The following ADAM32 variants were observed in gnomAD, a reference collection of about 807,000 sequenced individuals.
The protein encoded by ADAM32 is ADAM metallopeptidase domain 32, also known as disintegrin and metalloproteinase domain-containing protein 32.
ADAM32 carries 89 observed loss-of-function variants against 114.9 expected under a neutral mutation model. The ratio of observed to expected loss-of-function variants is 0.77; its 90% CI spans 0.65 to 0.92. The LOEUF is 0.92. ADAM32 is among the 40% of genes least tolerant of loss of function. The pLI, the probability that ADAM32 is intolerant of heterozygous loss-of-function variation, is 0.00. For missense variants in ADAM32, 870 were observed against 932.8 expected, an observed-to-expected ratio of 0.93 and a Z score of 0.88; for synonymous variants, 285 against 307.5, an observed-to-expected ratio of 0.93 and a Z score of 0.77.
intron 11 of ADAM32, among the ~76,000 whole-genome samples, chr8:39,205,258 G>A (rs1399476571): frequency 6.6e-6 from 1 of 152,214 alleles, no homozygotes; most frequent in Non-Finnish European, 1.5e-5. Context: ...GCCTCCTTGA[G>A]CTGCGGTGGG....
At chr8:39,185,337 G>T (rs1806157428) in intron 10 of ADAM32, among the ~76,000 whole-genome samples, 1 of 43,672 alleles carries the variant, frequency 2.3e-5, no homozygotes, top group Non-Finnish European at 4.4e-5. Context: ...GTCATCTCCA[G>T]TCTACAAAAA....
At chr8:39,121,719 C>T (rs2129444463) in intron 2 of ADAM32, among the ~76,000 whole-genome samples, 1 of 152,248 alleles carries the variant, frequency 6.6e-6, no homozygotes, top group Non-Finnish European at 1.5e-5. Context: ...AGTGGGGCCA[C>T]CTCCTTGGTT....
chr8:39,139,954 C>T (rs982881269), intron 3 of ADAM32, among the ~76,000 whole-genome samples: 15 of 152,132 alleles, frequency 9.9e-5, no homozygotes, highest in Non-Finnish European at 2.1e-4. Context: ...TGGGAGTTCA[C>T]TCATGATTTG....
At chr8:39,135,001 C>G (rs1267485409) in intron 2 of ADAM32, among the ~76,000 whole-genome samples, 1 of 152,044 alleles carries the variant, frequency 6.6e-6, no homozygotes, top group African/African-American at 2.4e-5. Flanking sequence ...TCTAAAAATA[C>G]AAGATTAGCC....
At chr8:39,162,654 G>A (rs964029873) in intron 7 of ADAM32, among the ~76,000 whole-genome samples, 26 of 152,056 alleles carry the variant, frequency 1.7e-4, no homozygotes, top group African/African-American at 6.0e-4. Context: ...GTCATATAAT[G>A]CTGATTAAAC....
chr8:39,203,370 C>A (rs1357147843), intron 11 of ADAM32, among the ~76,000 whole-genome samples: 6 of 152,190 alleles, frequency 3.9e-5, no homozygotes. Flanking sequence ...TGAATTGATC[C>A]CTTTACCATT....
At chr8:39,238,808 C>T (rs965744684) in intron 16 of ADAM32, among the ~76,000 whole-genome samples, 1 of 151,724 alleles carries the variant, frequency 6.6e-6, no homozygotes, top group Admixed American at 6.6e-5. Flanking sequence ...TAGAATTGAA[C>T]AAGTAGAAGA....
At chr8:39,275,959 TTAAC>T in intron 22 of ADAM32, 93 bp downstream of exon 22, 1 of 1,218,722 alleles carries the variant, frequency 8.2e-7, no homozygotes, top group Non-Finnish European at 1.1e-6. Flanking sequence ...TTGCTAACTA[TTAAC>T]TGAGTAGCCA....
intron 17 of ADAM32, 121 bp downstream of exon 17, chr8:39,246,287 T>C: frequency 6.6e-6 from 5 of 758,434 alleles, no homozygotes; most frequent in Non-Finnish European, 1.1e-5. Flanking sequence ...CTAGCTTCAA[T>C]TGAGAGCTGA....
intron 10 of ADAM32, among the ~76,000 whole-genome samples, chr8:39,183,256 T>C (rs1436419544): frequency 6.6e-6 from 1 of 152,174 alleles, no homozygotes; most frequent in Non-Finnish European, 1.5e-5. Flanking sequence ...CCCACCACTA[T>C]TTTTCATCTC....
At chr8:39,155,237 CAA>C (rs1196045099) in intron 6 of ADAM32, among the ~76,000 whole-genome samples, 1 of 152,136 alleles carries the variant, frequency 6.6e-6, no homozygotes, top group Non-Finnish European at 1.5e-5. Flanking sequence ...GGCAATCAGA[CAA>C]GAGAAAGAAA....
intron 23 of ADAM32, among the ~76,000 whole-genome samples, chr8:39,281,653 C>T (rs1813425309): frequency 6.6e-6 from 1 of 152,182 alleles, no homozygotes; most frequent in Admixed American, 6.5e-5. Context: ...CACAGATCCT[C>T]AATGTCCCAC....
chr8:39,270,640 T>C (rs1812651523), intron 19 of ADAM32, among the ~76,000 whole-genome samples: 1 of 152,228 alleles, frequency 6.6e-6, no homozygotes, highest in Admixed American at 6.5e-5. Flanking sequence ...TTTGGGTGTT[T>C]TTGATACTCT....
intron 2 of ADAM32, chr8:39,129,756 T>G: frequency 4.3e-6 from 1 of 234,870 alleles, no homozygotes; most frequent in South Asian, 5.0e-5. Context: ...ATTATTTCCT[T>G]AAACATTTGA....
intron 22 of ADAM32, among the ~76,000 whole-genome samples, chr8:39,277,009 C>T (rs777990860): frequency 6.6e-6 from 1 of 152,038 alleles, no homozygotes; most frequent in African/African-American, 2.4e-5. Flanking sequence ...CACACAGAGG[C>T]AACCAAACCA....
intron 17 of ADAM32, among the ~76,000 whole-genome samples, chr8:39,250,315 C>A (rs1026887988): frequency 6.6e-6 from 1 of 151,488 alleles, no homozygotes; most frequent in Non-Finnish European, 1.5e-5. Flanking sequence ...ATTGAGACAC[C>A]CTCAAGCTCA....
At chr8:39,256,572 C>T (rs1300151283) in intron 18 of ADAM32, among the ~76,000 whole-genome samples, 1 of 151,964 alleles carries the variant, frequency 6.6e-6, no homozygotes, top group Non-Finnish European at 1.5e-5. Context: ...TATGCCAGGT[C>T]CAGGTGCTGG....
chr8:39,214,688 C>G (rs1349548011), intron 12 of ADAM32, among the ~76,000 whole-genome samples: 1 of 151,986 alleles, frequency 6.6e-6, no homozygotes, highest in East Asian at 1.9e-4. Context: ...AGGCTTTTAA[C>G]ATGATGTGAT....
At chr8:39,231,976 G>T in intron 14 of ADAM32, 51 bp from the exon 15 acceptor site, 2 of 1,385,752 alleles carry the variant, frequency 1.4e-6, no homozygotes, top group Non-Finnish European at 2.0e-6. Flanking sequence ...AATGGAGGAA[G>T]ATGAAAAACC....
Sources: gnomAD v4.1 joint callset for allele counts (sites outside exome capture counted in the v4.1 genomes callset) on GRCh38, gnomAD v4.1.1 for gene constraint, MANE v1.5 for transcripts, NCBI Gene and HGNC (gene_info 2026-07-23, HGNC 2026-07-21) for gene names.